The following USP32 variants were observed in gnomAD, a reference collection of about 807,000 sequenced individuals.
USP32 encodes ubiquitin carboxyl-terminal hydrolase 32.
USP32 carries 59 observed loss-of-function variants against 204.8 expected under a neutral mutation model. That is an observed-to-expected ratio of 0.29 (90% CI 0.23 to 0.36). USP32 has a LOEUF of 0.36. Among genes scored for constraint, USP32 ranks in the 10% least tolerant of loss-of-function variants. USP32 has a pLI of 1.00. For missense variants in USP32, 1,160 were observed against 1,946.4 expected, an observed-to-expected ratio of 0.60 and a Z score of 7.60; for synonymous variants, 517 against 678.4, an observed-to-expected ratio of 0.76 and a Z score of 3.70.
At chr17:60,370,569 T>C (rs2089417540) in intron 1 of USP32, among the ~76,000 whole-genome samples, 1 of 151,672 alleles carries the variant, frequency 6.6e-6, no homozygotes, top group African/African-American at 2.4e-5. Flanking sequence ...AAGACCAGCA[T>C]GGGCAACATG....
At chr17:60,231,150 G>A (rs1017509016) in intron 12 of USP32, among the ~76,000 whole-genome samples, 2 of 152,130 alleles carry the variant, frequency 1.3e-5, no homozygotes, top group African/African-American at 4.8e-5. Context: ...GATTCCCTGT[G>A]AGTTGTATAA....
At chr17:60,251,863 G>A (rs1488670432) in intron 11 of USP32, among the ~76,000 whole-genome samples, 1 of 151,924 alleles carries the variant, frequency 6.6e-6, no homozygotes, top group Admixed American at 6.6e-5. Flanking sequence ...ATTCAAAGAA[G>A]GCTTTATTCT....
chr17:60,282,481 G>A (rs1008173667), intron 5 of USP32, among the ~76,000 whole-genome samples: 9 of 152,102 alleles, frequency 5.9e-5, no homozygotes, highest in African/African-American at 9.7e-5. Flanking sequence ...AGCGTCCAAG[G>A]TAGCTGGGAC....
intron 2 of USP32, among the ~76,000 whole-genome samples, chr17:60,333,696 G>GAGAGGAGAGGGGAGGGGGAAGA (rs2088445478): frequency 6.6e-6 from 1 of 151,094 alleles, no homozygotes; most frequent in Non-Finnish European, 1.5e-5. Flanking sequence ...GAAAAGAGAG[G>GAGAGGAGAGGGGAGGGGGAAGA]AGAGGAGAGG....
chr17:60,243,211 T>C (rs1229568824), intron 11 of USP32, among the ~76,000 whole-genome samples: 1 of 152,372 alleles, frequency 6.6e-6, no homozygotes, highest in East Asian at 1.9e-4. Flanking sequence ...ATTGATCTTG[T>C]ATCCTGTCAT....
At chr17:60,273,623 G>T (rs190773357) in intron 5 of USP32, among the ~76,000 whole-genome samples, 2 of 152,238 alleles carry the variant, frequency 1.3e-5, no homozygotes, top group Admixed American at 6.5e-5. Context: ...AAGAAAACAT[G>T]AAAGTAGTAG....
chr17:60,311,913 C>G (rs1487718709), intron 2 of USP32, among the ~76,000 whole-genome samples: 2 of 152,182 alleles, frequency 1.3e-5, no homozygotes, highest in African/African-American at 4.8e-5. Context: ...CTTTCTGGTC[C>G]TGGTCATTCC....
intron 11 of USP32, chr17:60,249,540 G>A (rs1337985653): frequency 1.9e-6 from 1 of 527,450 alleles, no homozygotes; most frequent in Non-Finnish European, 3.3e-6. Context: ...ATGATGGTAT[G>A]TATTTATTTT....
chr17:60,265,853 T>G, intron 8 of USP32, 123 bp downstream of exon 8: 2 of 716,220 alleles, frequency 2.8e-6, no homozygotes, highest in East Asian at 2.6e-5. Context: ...ATAAATATTT[T>G]GAGTAGCATA....
chr17:60,373,343 C>T lies in USP32; in HGVS notation c.58+18539G>A, dbSNP rs142287056. ...TTGAAGTCCTAGCCCTAGGACATTA[C>T]CATGGAGTACTGCAGTAGATTTTAT... On this transcript the variant is annotated intron_variant, in intron 1 of 33. Coordinates refer to ENST00000300896, the MANE Select transcript of USP32 (RefSeq NM_032582.4). 2.3e-3 allele frequency among the ~76,000 whole-genome samples: 345 copies of T among 152,138 alleles called. 1 individual carries two copies. Among genetic ancestry groups the T allele is most frequent in the Non-Finnish European group, 3.3e-3 (227 of 68,000 alleles).
At chr17:60,199,129 A>G (rs2084606350) in intron 26 of USP32, among the ~76,000 whole-genome samples, 2 of 147,652 alleles carry the variant, frequency 1.4e-5, no homozygotes, top group Admixed American at 1.3e-4. Context: ...AAAAAAAGAA[A>G]TGAAAAGATG....
At position 60,209,454 on chromosome 17, in the gene USP32, A is replaced by G; in HGVS notation, c.2514T>C (p.His838=). The G allele has an allele frequency of 6.3e-7, 1 of 1,596,634 alleles. No individual in the cohort carries two copies. The highest frequency in any genetic ancestry group is 1.2e-5 in the South Asian group (1 of 86,710). The change falls in exon 22 of 34, where the codon CAT becomes CAC. Residue 838 remains histidine, a synonymous_variant. Transcript: ENST00000300896. The stretch of plus-strand genomic sequence containing the variant: ...TTTCATGGACTCGATTAAGATCTTC[A>G]TGAAGACCATCCAAGAGAAAAGCCA... ...ELLAFLLDGL[H]EDLNRVHEKP... is the part of the protein sequence containing the mutation.
intron 5 of USP32, among the ~76,000 whole-genome samples, chr17:60,285,478 T>C (rs1338147695): frequency 6.6e-6 from 1 of 152,172 alleles, no homozygotes; most frequent in African/African-American, 2.4e-5. Flanking sequence ...AAATAGCACT[T>C]GACACCCAAA....
intron 31 of USP32, 53 bp downstream of exon 31, chr17:60,183,112 T>C (rs1190864293): frequency 9.8e-6 from 15 of 1,526,926 alleles, no homozygotes; most frequent in Admixed American, 6.8e-5. Flanking sequence ...GAGAAACATA[T>C]GTAGCCTACA....
At chr17:60,325,840 G>A (rs906578937) in intron 2 of USP32, among the ~76,000 whole-genome samples, 4 of 151,940 alleles carry the variant, frequency 2.6e-5, no homozygotes, top group Admixed American at 2.6e-4. Context: ...GAGGCAGGAA[G>A]ATTGCTTGAG....
chr17:60,326,147 T>C (rs1369615667), intron 2 of USP32, among the ~76,000 whole-genome samples: 1 of 150,862 alleles, frequency 6.6e-6, no homozygotes, highest in African/African-American at 2.5e-5. Context: ...TGTGCATATG[T>C]CACTTTGATA....
At chr17:60,380,765 C>T (rs901935065) in intron 1 of USP32, among the ~76,000 whole-genome samples, 17 of 152,166 alleles carry the variant, frequency 1.1e-4, no homozygotes, top group Middle Eastern at 3.2e-3. Flanking sequence ...ATACCCACTA[C>T]TCATTTGCTA....
intron 1 of USP32, among the ~76,000 whole-genome samples, chr17:60,409,483 C>A (rs2090002928): frequency 6.6e-6 from 1 of 152,032 alleles, no homozygotes; most frequent in Non-Finnish European, 1.5e-5. Context: ...CCAGAGCAAG[C>A]AATCAGAGGG....
intron 10 of USP32, among the ~76,000 whole-genome samples, chr17:60,254,135 A>C (rs938427033): frequency 6.6e-6 from 1 of 152,238 alleles, no homozygotes; most frequent in African/African-American, 2.4e-5. Flanking sequence ...ATAAAATAAG[A>C]AGAAACTAAA....
Sources: gnomAD v4.1 joint callset for allele counts (sites outside exome capture counted in the v4.1 genomes callset) on GRCh38, gnomAD v4.1.1 for gene constraint, MANE v1.5 for transcripts, NCBI Gene and HGNC (gene_info 2026-07-23, HGNC 2026-07-21) for gene names.